Variants in UBE3D observed in about 807,000 individuals in gnomAD.
The protein encoded by UBE3D is E3 ubiquitin-protein ligase E3D.
Under a neutral mutation model 49.6 loss-of-function variants are expected in UBE3D, and 48 were observed. The ratio of observed to expected loss-of-function variants is 0.97; its 90% CI spans 0.77 to 1.23. UBE3D has a LOEUF of 1.23. UBE3D is among the 50% of genes most tolerant of loss of function. UBE3D has a pLI of 0.00. For missense variants in UBE3D, 452 were observed against 468.4 expected (o/e 0.96, Z 0.32); for synonymous variants, 189 against 174.2 (o/e 1.08, Z -0.67).
At chr6:82,910,448 T>C (rs920542198) in intron 9 of UBE3D, among the ~76,000 whole-genome samples, 1 of 152,042 alleles carries the variant, frequency 6.6e-6, no homozygotes, top group Non-Finnish European at 1.5e-5. Flanking sequence ...GACTGGGAGA[T>C]TTGTTATTTT....
intron 3 of UBE3D, chr6:83,049,667 A>C: frequency 2.5e-6 from 1 of 402,542 alleles, no homozygotes; most frequent in South Asian, 1.9e-5. Context: ...TAGGGTCTCA[A>C]CGCCCTCATG....
intron 4 of UBE3D, among the ~76,000 whole-genome samples, chr6:83,039,794 C>T (rs1370507683): frequency 1.3e-5 from 2 of 152,078 alleles, no homozygotes; most frequent in Non-Finnish European, 2.9e-5. Flanking sequence ...CAGGCACCTG[C>T]CACCATGCCC....
chr6:82,931,042 G>A (rs1774105363), intron 9 of UBE3D, among the ~76,000 whole-genome samples: 1 of 152,182 alleles, frequency 6.6e-6, no homozygotes, highest in Non-Finnish European at 1.5e-5. Flanking sequence ...GCAGCCTAGG[G>A]ATTTGGTGCC....
intron 3 of UBE3D, among the ~76,000 whole-genome samples, chr6:83,050,938 T>C (rs1217053571): frequency 1.3e-5 from 2 of 152,042 alleles, no homozygotes; most frequent in East Asian, 3.9e-4. Flanking sequence ...TCAAGTCCAC[T>C]GTTTCTCAGA....
chr6:82,929,195 G>A (rs1773962597), intron 9 of UBE3D, among the ~76,000 whole-genome samples: 1 of 152,016 alleles, frequency 6.6e-6, no homozygotes, highest in Non-Finnish European at 1.5e-5. Flanking sequence ...CTTATTCATA[G>A]GAGTGGCTCT....
intron 6 of UBE3D, among the ~76,000 whole-genome samples, chr6:83,022,917 G>T (rs543637144): frequency 5.6e-4 from 85 of 152,292 alleles, no homozygotes; most frequent in African/African-American, 1.9e-3. Flanking sequence ...AAGAAGGCAA[G>T]AAATTTCCTT....
In UBE3D at chr6:82,940,935, G is replaced by A. The variant is rs141991863; in HGVS notation, c.1149+16377C>T. Among the ~76,000 whole-genome samples the A allele has an allele frequency of 6.2e-3, 937 of 152,256 alleles. 12 individuals carry two copies. The highest frequency in any genetic ancestry group is 0.021 in the African/African-American group (875 of 41,542). On this transcript the variant is annotated intron_variant, in intron 9 of 9. Coordinates refer to ENST00000369747, the MANE Select transcript of UBE3D (RefSeq NM_198920.3). ...GACTAAGAATTACTCTAAAATGGCC[G>A]TGCACGGTGCTTCACACCTGTAATC...
At chr6:82,933,114 A>G (rs1774295967) in intron 9 of UBE3D, among the ~76,000 whole-genome samples, 1 of 152,180 alleles carries the variant, frequency 6.6e-6, no homozygotes. Flanking sequence ...AATGGTTTAT[A>G]ACACTGATAA....
chr6:83,062,447 C>T (rs1784229988), intron 1 of UBE3D, among the ~76,000 whole-genome samples: 1 of 152,140 alleles, frequency 6.6e-6, no homozygotes, highest in African/African-American at 2.4e-5. Context: ...GAAGAATCTG[C>T]CCTCAGGAAC....
chr6:82,964,193 T>C (rs1411726735), intron 8 of UBE3D, among the ~76,000 whole-genome samples: 2 of 152,100 alleles, frequency 1.3e-5, no homozygotes, highest in Non-Finnish European at 1.5e-5. Context: ...CAAAGAGGCA[T>C]TGAGAAAGGG....
intron 5 of UBE3D, among the ~76,000 whole-genome samples, chr6:83,033,347 T>A (rs1198917194): frequency 2.6e-5 from 4 of 152,160 alleles, no homozygotes; most frequent in African/African-American, 9.7e-5. Flanking sequence ...GATTATATTT[T>A]ATTATTTTAT....
At chr6:82,982,530 A>G (rs1778183431) in intron 8 of UBE3D, among the ~76,000 whole-genome samples, 1 of 152,106 alleles carries the variant, frequency 6.6e-6, no homozygotes, top group Admixed American at 6.6e-5. Flanking sequence ...ATAATTTCCC[A>G]ATCTGGATTT....
At chr6:83,030,165 G>T (rs958238756) in intron 5 of UBE3D, among the ~76,000 whole-genome samples, 4 of 151,862 alleles carry the variant, frequency 2.6e-5, no homozygotes, top group Non-Finnish European at 4.4e-5. Context: ...TGCAGCAGGT[G>T]GTTTTTGCAT....
chr6:83,024,031 G>T lies in UBE3D; in HGVS notation c.675C>A (p.Thr225=), dbSNP rs374142074. The stretch of plus-strand genomic sequence containing the variant: ...TAATTATCTCTGTCATATAAAACTT[G>T]GTGGTTTCTAGAAACAAAAAAGAAA... ...MLGETVSSET[T]KFYMTEIIIQ... Residue 225 remains threonine, a synonymous_variant, in exon 6 of 10, where the codon ACC becomes ACA. Transcript: ENST00000369747. The T allele has an allele frequency of 6.6e-7, 1 of 1,519,624 alleles. No homozygotes were observed. Among genetic ancestry groups the T allele is most frequent in the Non-Finnish European group, 8.8e-7 (1 of 1,138,260 alleles). The allele number at this position is 1,519,624 out of a possible 1,614,324, so 94.1% of individuals were successfully genotyped here. A position where few individuals can be genotyped will look rare whatever the true frequency, so the allele number is the denominator to read the frequency against.
chr6:83,014,943 CTAGGAACATCG>C (rs1450107758), intron 8 of UBE3D, among the ~76,000 whole-genome samples: 1 of 152,148 alleles, frequency 6.6e-6, no homozygotes, highest in African/African-American at 2.4e-5. Flanking sequence ...CCTATCACTT[CTAGGAACATCG>C]TAATTAGCTA....
intron 9 of UBE3D, among the ~76,000 whole-genome samples, chr6:82,949,545 A>G (rs1775641475): frequency 1.3e-5 from 2 of 152,084 alleles, no homozygotes; most frequent in African/African-American, 2.4e-5. Context: ...CAAAAGACCC[A>G]CAATAGCCAA....
At chr6:83,024,256 A>G (rs2127777772) in intron 5 of UBE3D, among the ~76,000 whole-genome samples, 1 of 152,346 alleles carries the variant, frequency 6.6e-6, no homozygotes, top group East Asian at 1.9e-4. Context: ...TTTAGAAAAT[A>G]ATGCCCAGAG....
At chr6:83,019,179 C>A (rs759102210) in intron 7 of UBE3D, 43 bp from the exon 8 acceptor site, 3 of 1,552,222 alleles carry the variant, frequency 1.9e-6, no homozygotes, top group South Asian at 1.2e-5. Flanking sequence ...AATATTGTCA[C>A]CTTATCCATA....
intron 9 of UBE3D, among the ~76,000 whole-genome samples, chr6:82,914,875 T>G (rs2127729490): frequency 6.6e-6 from 1 of 151,998 alleles, no homozygotes; most frequent in East Asian, 2.0e-4. Context: ...AAAAAGAACC[T>G]ATGTCCATCC....
Sources: allele counts gnomAD v4.1 joint callset (sites outside exome capture counted in the v4.1 genomes callset), GRCh38; gene constraint gnomAD v4.1.1; transcripts MANE v1.5; gene names NCBI Gene and HGNC (gene_info 2026-07-23, HGNC 2026-07-21).